Variants in AGAP1 observed in about 807,000 individuals in gnomAD.
The protein encoded by AGAP1 is ArfGAP with GTPase domain, ankyrin repeat and PH domain 1, also known as arf-GAP with GTPase, ANK repeat and PH domain-containing protein 1.
In AGAP1, 29 loss-of-function variants were observed where a neutral mutation model predicts 105.3. The observed-to-expected ratio is 0.28, with a 90% confidence interval of 0.21 to 0.38. The LOEUF is 0.38. Ranked by LOEUF, AGAP1 falls within the 10% of genes least tolerant of loss-of-function variation. The pLI is 1.00. For missense variants in AGAP1, 998 were observed against 1,165.1 expected (o/e 0.86, Z 2.09); for synonymous variants, 509 against 485.9 (o/e 1.05, Z -0.63).
rs1275941246 is a variant in AGAP1, at chr2:235,614,163, G to C, written c.164-95016G>C. 6.6e-6 allele frequency among the ~76,000 whole-genome samples: 1 copy of C among 152,156 alleles called. No individual in the cohort carries two copies. Among genetic ancestry groups the C allele is most frequent in the Admixed American group, 6.5e-5 (1 of 15,280 alleles). ...TACTGGTGCTGGTGAGCAGAAACAGGCAAGGTCTTTGGCCTCAGGGGGTCC... is the reference window on the plus strand; with the variant it reads ...TACTGGTGCTGGTGAGCAGAAACAGCCAAGGTCTTTGGCCTCAGGGGGTCC... On this transcript the variant is annotated intron_variant, in intron 1 of 17. Transcript: ENST00000304032. This position sits in a 1 kb window ranked among gnomAD's most constrained non-coding sequence, Gnocchi z 4.7.
At position 235,622,118 on chromosome 2, in the gene AGAP1, C is replaced by CA. The variant is rs1325826419; in HGVS notation, c.164-87057dup. Among the ~76,000 whole-genome samples the CA allele has an allele frequency of 2.0e-5, 3 of 152,028 alleles. No individual in the cohort carries two copies. The highest frequency in any genetic ancestry group is 2.9e-5 in the Non-Finnish European group (2 of 68,008). ...TTTGAATAGGTTACATGCAGACATC[C>CA]AAAATAAACTTTTTTTTTTCTGTAC... On this transcript the variant is annotated intron_variant, in intron 1 of 17. Coordinates refer to ENST00000304032, the MANE Select transcript of AGAP1 (RefSeq NM_001037131.3). The surrounding 1 kb of genome is among the most constrained non-coding windows in gnomAD (Gnocchi z 5.0).
chr2:235,547,906 T>A (rs1296048767), intron 1 of AGAP1, among the ~76,000 whole-genome samples: 2 of 152,246 alleles, frequency 1.3e-5, no homozygotes, highest in African/African-American at 4.8e-5. Context: ...ATGCTTGGTG[T>A]CTGTGCGTTG....
rs2057511237 is a variant in AGAP1, at chr2:236,040,411, G to C, written c.1801-340G>C. ...ATTCTTCTTACCAAGTAGACATGTGGCTACTGCCCAGAAGGTTACCCATTT... is the reference window on the plus strand; with the variant it reads ...ATTCTTCTTACCAAGTAGACATGTGCCTACTGCCCAGAAGGTTACCCATTT... On this transcript the variant is annotated intron_variant, in intron 14 of 17. Coordinates refer to ENST00000304032, the MANE Select transcript of AGAP1 (RefSeq NM_001037131.3). This position sits in a 1 kb window ranked among gnomAD's most constrained non-coding sequence, Gnocchi z 5.6. 6.6e-6 allele frequency among the ~76,000 whole-genome samples: 1 copy of C among 152,120 alleles called. No individual in the cohort carries two copies. Among genetic ancestry groups the C allele is most frequent in the African/African-American group, 2.4e-5 (1 of 41,422 alleles).
At chr2:235,497,496 T>C (rs922766817) in intron 1 of AGAP1, among the ~76,000 whole-genome samples, 1 of 152,238 alleles carries the variant, frequency 6.6e-6, no homozygotes, top group African/African-American at 2.4e-5. Context: ...CTGGCCACAT[T>C]TTAGAAGATT....
intron 13 of AGAP1, among the ~76,000 whole-genome samples, chr2:236,016,874 G>A (rs1482053299): frequency 6.6e-6 from 1 of 152,020 alleles, no homozygotes; most frequent in Non-Finnish European, 1.5e-5. Flanking sequence ...TTTCTGTTTG[G>A]TGTTCAAGGT....
chr2:235,643,431 C>CAAAAAAAAAAAAAAAAAAAAAA (rs56146940), intron 1 of AGAP1, among the ~76,000 whole-genome samples: 3 of 61,404 alleles, frequency 4.9e-5, no homozygotes, highest in African/African-American at 2.1e-4. Context: ...GACTGGGTCT[C>CAAAAAAAAAAAAAAAAAAAAAA]AAAAAAAAAA....
Position 236,095,470 on chromosome 2 carries a change from G to A in AGAP1, c.2115-24722G>A, listed in dbSNP as rs1372936213. On this transcript the variant is annotated intron_variant, in intron 16 of 17. Transcript: ENST00000304032. This position sits in a 1 kb window ranked among gnomAD's most constrained non-coding sequence, Gnocchi z 4.1. ...GAGGCTGGAGGATCACTTGAGCACA[G>A]GAGTTTGAGACCAGCGTGGGCAACA... Among the ~76,000 whole-genome samples the A allele has an allele frequency of 6.6e-6, 1 of 152,046 alleles. No homozygotes were observed. Among genetic ancestry groups the A allele is most frequent in the Admixed American group, 6.6e-5 (1 of 15,248 alleles).
rs1475426522 is a variant in AGAP1, at chr2:235,623,576, A to T, written c.164-85603A>T. Among the ~76,000 whole-genome samples, 8 of 152,094 alleles carry T rather than the reference A, an allele frequency of 5.3e-5. No individual in the cohort carries two copies. In the East Asian group the frequency reaches 1.5e-3, roughly 29 times the overall value. On this transcript the variant is annotated intron_variant, in intron 1 of 17. Transcript: ENST00000304032. This position sits in a 1 kb window ranked among gnomAD's most constrained non-coding sequence, Gnocchi z 4.5. ...CTTCACAGCATGGTGCTCCCAAGCT[A>T]GTTGCTGAAGCTGTGGGCCATTGAG...
chr2:236,011,045 C>A lies in AGAP1; in HGVS notation c.1646-25516C>A, dbSNP rs548311899. On this transcript the variant is annotated intron_variant, in intron 13 of 17. Coordinates refer to ENST00000304032, the MANE Select transcript of AGAP1 (RefSeq NM_001037131.3). ...CTGGGCTAACAGTGCAAGACTCCAT[C>A]TCAAAAAAATGAAAAAAGAAAATAC... Among the ~76,000 whole-genome samples the A allele has an allele frequency of 3.3e-5, 5 of 152,210 alleles. No homozygotes were observed. The South Asian group carries it at 8.3e-4, about 25-fold the overall frequency.
At position 235,958,550 on chromosome 2, in the gene AGAP1, C is replaced by T. The variant is rs1254540359; in HGVS notation, c.1484-9912C>T. ...CACCTGGCGAGGACCCTCACCAAGGCGAGCTCCCTGCAATGGTTCATCAAA... is the reference window on the plus strand; with the variant it reads ...CACCTGGCGAGGACCCTCACCAAGGTGAGCTCCCTGCAATGGTTCATCAAA... On this transcript the variant is annotated intron_variant, in intron 12 of 17. Transcript: ENST00000304032. The surrounding 1 kb of genome is among the most constrained non-coding windows in gnomAD (Gnocchi z 4.1). Among the ~76,000 whole-genome samples the T allele has an allele frequency of 6.6e-6, 1 of 152,144 alleles. No homozygotes were observed. Among genetic ancestry groups the T allele is most frequent in the Non-Finnish European group, 1.5e-5 (1 of 68,012 alleles).
chr2:235,509,416 G>T (rs1379141954), intron 1 of AGAP1, among the ~76,000 whole-genome samples: 1 of 151,782 alleles, frequency 6.6e-6, no homozygotes, highest in East Asian at 2.0e-4. Context: ...TGTATTTTTA[G>T]TAGAGACGGT....
intron 16 of AGAP1, among the ~76,000 whole-genome samples, chr2:236,111,242 C>T (rs952115834): frequency 7.2e-5 from 11 of 151,970 alleles, no homozygotes; most frequent in East Asian, 1.9e-4. Context: ...GAGAAAGGGC[C>T]GATCCCAGCT....
intron 9 of AGAP1, among the ~76,000 whole-genome samples, chr2:235,858,279 A>T (rs912368921): frequency 5.9e-5 from 9 of 152,254 alleles, no homozygotes; most frequent in Middle Eastern, 3.2e-3. Context: ...AGCGTTAGTT[A>T]AAAAATGTAA....
rs2057913943 is a variant in AGAP1, at chr2:236,051,984, G to T, written c.2114+2703G>T. ...TCGGGGCTGGAATCTCCGCAAGCCG[G>T]TCTGTCCATGACGTGAGAAGATTCT... On this transcript the variant is annotated intron_variant, in intron 16 of 17. Transcript: ENST00000304032. This position sits in a 1 kb window ranked among gnomAD's most constrained non-coding sequence, Gnocchi z 5.9. Among the ~76,000 whole-genome samples, 3 of 152,132 alleles carry T rather than the reference G, an allele frequency of 2.0e-5. No individual in the cohort carries two copies. Among genetic ancestry groups the T allele is most frequent in the Admixed American group, 2.0e-4 (3 of 15,284 alleles).
At chr2:236,063,690 G>C (rs1424729090) in intron 16 of AGAP1, among the ~76,000 whole-genome samples, 1 of 152,180 alleles carries the variant, frequency 6.6e-6, no homozygotes, top group Non-Finnish European at 1.5e-5. Flanking sequence ...TGGGTCACTG[G>C]GCTTTAGAGG....
intron 16 of AGAP1, among the ~76,000 whole-genome samples, chr2:236,063,443 T>C (rs1353573754): frequency 6.6e-6 from 1 of 152,204 alleles, no homozygotes; most frequent in Non-Finnish European, 1.5e-5. Context: ...TCCATGTTGA[T>C]GTTTAGTTTT....
rs771103819 is a variant in AGAP1, at chr2:235,797,861, A to G, written c.776A>G (p.Gln259Arg). ...SPSHSSVCSA[Q>R]VSAVHISQTS... ...AGCCATTCCTCCGTCTGTTCCGCGCAGGTGTCTGCCGTGCACATCAGCCAG... is the reference window on the plus strand; with the variant it reads ...AGCCATTCCTCCGTCTGTTCCGCGCGGGTGTCTGCCGTGCACATCAGCCAG... Residue 259 changes from glutamine (Q) to arginine (R), a missense_variant, in exon 7 of 18, where the codon CAG becomes CGG. Gln to Arg is a conservative substitution (Grantham distance 43, BLOSUM62 1). Around this residue, in one of 3 missense-constraint regions of AGAP1, gnomAD observed 735 missense variants for 833.4 expected, o/e 0.88. Coordinates refer to ENST00000304032, the MANE Select transcript of AGAP1 (RefSeq NM_001037131.3). 2 of 1,614,192 alleles carry G rather than the reference A, an allele frequency of 1.2e-6. No homozygotes were observed. Among genetic ancestry groups the G allele is most frequent in the Non-Finnish European group, 8.5e-7 (1 of 1,180,036 alleles).
chr2:235,918,368 T>A (rs1012471850), intron 11 of AGAP1, among the ~76,000 whole-genome samples: 4 of 152,268 alleles, frequency 2.6e-5, no homozygotes, highest in African/African-American at 9.6e-5. Context: ...GGTTTTAATG[T>A]CTATTTGACA....
At chr2:236,068,548 C>G (rs1412671629) in intron 16 of AGAP1, among the ~76,000 whole-genome samples, 2 of 152,118 alleles carry the variant, frequency 1.3e-5, no homozygotes, top group African/African-American at 4.8e-5. Context: ...CGCCTGTAAT[C>G]CCAGCACTTT....
Sources: allele counts gnomAD v4.1 joint callset (sites outside exome capture counted in the v4.1 genomes callset), GRCh38; gene constraint gnomAD v4.1.1; regional missense constraint gnomAD v4.1.1; non-coding constraint Gnocchi (gnomAD v3.1); transcripts MANE v1.5; gene names NCBI Gene and HGNC (gene_info 2026-07-23, HGNC 2026-07-21).